Variants in PTGIS observed in about 807,000 individuals in gnomAD.
PTGIS encodes the protein prostaglandin I2 synthase.
Under a neutral mutation model 50.3 loss-of-function variants are expected in PTGIS, and 45 were observed. That is an observed-to-expected ratio of 0.90 (90% confidence interval 0.70 to 1.15). PTGIS has a LOEUF of 1.15. Among genes scored for constraint, PTGIS ranks in the 50% most tolerant of loss-of-function variants. The pLI is 0.00. For missense variants in PTGIS, 668 were observed against 661.3 expected (o/e 1.01, Z -0.11); for synonymous variants, 260 against 267.7 (o/e 0.97, Z 0.28).
At chr20:49,513,958 C>T (rs1981399666) in intron 7 of PTGIS, among the ~76,000 whole-genome samples, 1 of 152,196 alleles carries the variant, frequency 6.6e-6, no homozygotes, top group Admixed American at 6.5e-5. Context: ...TCCACCTGTG[C>T]CTGAAGCCAA....
At chr20:49,551,806 TTGTGTGTGTGTGTG>T (rs58517059) in intron 1 of PTGIS, among the ~76,000 whole-genome samples, 1,643 of 142,666 alleles carry the variant, frequency 0.012, 31 homozygotes, top group African/African-American at 0.039. Flanking sequence ...GTGTATGTGT[TTGTGTGTGTGTGTG>T]TGTGTGTGTG....
chr20:49,532,671 T>C (rs1243090513), intron 5 of PTGIS, among the ~76,000 whole-genome samples: 1 of 152,224 alleles, frequency 6.6e-6, no homozygotes, highest in Admixed American at 6.5e-5. Flanking sequence ...TGTTCATGAA[T>C]TGCTTCTTTA....
rs1210303034 is a variant in PTGIS, at chr20:49,506,105, T to C, written c.*1815A>G. 6.6e-6 allele frequency: 1 copy of C among 152,640 alleles called. No homozygotes were observed. Among genetic ancestry groups the C allele is most frequent in the Non-Finnish European group, 1.5e-5 (1 of 68,050 alleles). 9.5% of individuals were successfully genotyped at this position (152,640 alleles called of 1,614,324 possible). On this transcript the variant is annotated 3_prime_UTR_variant, in exon 10 of 10. Transcript: ENST00000244043. ...AGAACAGGAGTTGCTCATCCAGCAT[T>C]TGCTCCTGGGACAGTAAATCTGCCT...
intron 1 of PTGIS, among the ~76,000 whole-genome samples, chr20:49,551,600 G>A (rs1402200583): frequency 6.6e-6 from 1 of 152,114 alleles, no homozygotes; most frequent in Admixed American, 6.5e-5. Flanking sequence ...TGTACAAACC[G>A]AGCTGTGCCT....
At chr20:49,548,626 G>C (rs1982427358) in intron 2 of PTGIS, among the ~76,000 whole-genome samples, 1 of 152,072 alleles carries the variant, frequency 6.6e-6, no homozygotes, top group Admixed American at 6.6e-5. Context: ...ATGGATGGAT[G>C]GATGGATGCT....
At position 49,539,653 on chromosome 20, in the gene PTGIS, C is replaced by T. The variant is rs566137707; in HGVS notation, c.590G>A (p.Arg197His). ...PRTHESQAQD[R>H]VHSADVFHTF... ...GTGGAAGACATCAGCTGAGTGGACGCGGTCCTGGGCCTGGCTTTCATGGGT... is the reference window on the plus strand; with the variant it reads ...GTGGAAGACATCAGCTGAGTGGACGTGGTCCTGGGCCTGGCTTTCATGGGT... Residue 197 changes from arginine to histidine, a missense_variant, in exon 5 of 10, where the codon CGC (arginine) becomes CAC (histidine). Transcript: ENST00000244043. 50 of 1,613,878 alleles carry T rather than the reference C, an allele frequency of 3.1e-5. No individual in the cohort carries two copies. The highest frequency in any genetic ancestry group is 4.5e-5 in the East Asian group (2 of 44,872).
At chr20:49,511,545 T>C (rs900746732) in intron 8 of PTGIS, among the ~76,000 whole-genome samples, 2 of 152,360 alleles carry the variant, frequency 1.3e-5, no homozygotes, top group South Asian at 4.1e-4. Context: ...TCTGTAGAAC[T>C]GGAGAAGAAG....
intron 4 of PTGIS, among the ~76,000 whole-genome samples, chr20:49,541,249 C>G (rs1982218724): frequency 6.6e-6 from 1 of 152,042 alleles, no homozygotes; most frequent in Admixed American, 6.6e-5. Context: ...GAGTTGCAGC[C>G]GCCCCTTTTA....
At chr20:49,545,954 A>G (rs1376795390) in intron 3 of PTGIS, among the ~76,000 whole-genome samples, 1 of 152,046 alleles carries the variant, frequency 6.6e-6, no homozygotes, top group Non-Finnish European at 1.5e-5. Flanking sequence ...GCGTCCATGA[A>G]CTCCTGGGTA....
At chr20:49,523,733 C>A (rs761054873) in intron 6 of PTGIS, among the ~76,000 whole-genome samples, 1 of 151,828 alleles carries the variant, frequency 6.6e-6, no homozygotes, top group African/African-American at 2.4e-5. Flanking sequence ...GAGCTGAGAT[C>A]GAGCCACTGC....
chr20:49,512,422 T>C (rs1180978167), intron 8 of PTGIS, among the ~76,000 whole-genome samples: 1 of 151,972 alleles, frequency 6.6e-6, no homozygotes, highest in Admixed American at 6.6e-5. Context: ...GATGGATGAA[T>C]GGATGGGCGG....
At chr20:49,552,408 C>G (rs1048362344) in intron 1 of PTGIS, among the ~76,000 whole-genome samples, 1 of 152,128 alleles carries the variant, frequency 6.6e-6, no homozygotes, top group Non-Finnish European at 1.5e-5. Flanking sequence ...TAAAGTTTGT[C>G]TCCTCATAAA....
intron 1 of PTGIS, among the ~76,000 whole-genome samples, chr20:49,565,369 A>T (rs373320861): frequency 6.6e-6 from 1 of 152,180 alleles, no homozygotes; most frequent in African/African-American, 2.4e-5. Flanking sequence ...TCTTCCTGTG[A>T]ATTAAAAATT....
At chr20:49,563,885 C>T (rs983976431) in intron 1 of PTGIS, among the ~76,000 whole-genome samples, 3 of 152,220 alleles carry the variant, frequency 2.0e-5, no homozygotes, top group African/African-American at 7.2e-5. Context: ...GTGGTGGTCA[C>T]ACAAGCCCAA....
intron 9 of PTGIS, among the ~76,000 whole-genome samples, chr20:49,510,303 C>T (rs540891861): frequency 2.2e-4 from 34 of 152,230 alleles, no homozygotes; most frequent in African/African-American, 7.5e-4. Flanking sequence ...GTAACGTGCC[C>T]ACTCACTTAG....
intron 1 of PTGIS, among the ~76,000 whole-genome samples, chr20:49,563,346 A>T (rs910152454): frequency 1.3e-5 from 2 of 152,308 alleles, no homozygotes; most frequent in East Asian, 3.9e-4. Context: ...CACTGCTACC[A>T]CTGTGCATAA....
In PTGIS at chr20:49,544,547, C is replaced by A. The variant is rs149763968; in HGVS notation, c.378-99G>T. On this transcript the variant is annotated intron_variant, in intron 3 of 9. Transcript: ENST00000244043. ...AAACCTAAGGGTCCCAGAGCTCAAG[C>A]TCCCCATTGGCAAAGAGGTCCTGCG... 4.7e-4 allele frequency: 653 copies of A among 1,397,808 alleles called. 3 individuals are homozygous for A. The African/African-American group carries it at 8.0e-3, about 17-fold the overall frequency. The allele number at this position is 1,397,808 out of a possible 1,614,324, so 86.6% of individuals were successfully genotyped here. A position where few individuals can be genotyped will look rare whatever the true frequency, so the allele number is the denominator to read the frequency against.
rs542130777 is a variant in PTGIS, at chr20:49,505,569, G to C, written c.*2351C>G. 47 of 152,738 alleles carry C rather than the reference G, an allele frequency of 3.1e-4. No individual in the cohort carries two copies. Among genetic ancestry groups the C allele is most frequent in the Admixed American group, 2.2e-3 (33 of 15,296 alleles). The allele number at this position is 152,738 out of a possible 1,614,324, so 9.5% of individuals were successfully genotyped here. A position where few individuals can be genotyped will look rare whatever the true frequency, so the allele number is the denominator to read the frequency against. ...GTGACAACCCAGCCTGATTTGGAAG[G>C]GGGGAGTCATAAGGGTTTTCGCCCA... On this transcript the variant is annotated 3_prime_UTR_variant, in exon 10 of 10. Transcript: ENST00000244043.
chr20:49,553,548 A>G (rs1982560149), intron 1 of PTGIS, among the ~76,000 whole-genome samples: 2 of 152,030 alleles, frequency 1.3e-5, no homozygotes, highest in South Asian at 4.1e-4. Context: ...CAGAATCTAA[A>G]GTGATATTAA....
Sources: allele counts gnomAD v4.1 joint callset (sites outside exome capture counted in the v4.1 genomes callset), GRCh38; gene constraint gnomAD v4.1.1; transcripts MANE v1.5; gene names NCBI Gene and HGNC (gene_info 2026-07-23, HGNC 2026-07-21).